PITPNM2: variants seen among roughly 807,000 people sequenced by gnomAD.
PITPNM2 encodes the protein phosphatidylinositol transfer protein membrane associated 2.
A neutral mutation model predicts 132.2 loss-of-function variants in PITPNM2; 35 were observed. That is an observed-to-expected ratio of 0.26 (90% CI 0.20 to 0.35). The LOEUF (loss-of-function observed/expected upper bound fraction) is 0.35. PITPNM2 is among the 10% of genes least tolerant of loss of function. PITPNM2 has a pLI of 1.00. For synonymous variants in PITPNM2, 738 were observed against 799.2 expected, an observed-to-expected ratio of 0.92 and a Z score of 1.29; for missense variants, 1,332 against 1,912.0, an observed-to-expected ratio of 0.70 and a Z score of 5.66.
chr12:123,035,948 T>C (rs1194448405), intron 2 of PITPNM2, among the ~76,000 whole-genome samples: 2 of 152,168 alleles, frequency 1.3e-5, no homozygotes, highest in African/African-American at 4.8e-5. Context: ...AGCCTTGATC[T>C]CCTGGGCTCA....
chr12:123,040,899 G>A (rs2040449055), intron 2 of PITPNM2, among the ~76,000 whole-genome samples: 1 of 152,180 alleles, frequency 6.6e-6, no homozygotes, highest in Non-Finnish European at 1.5e-5. Flanking sequence ...TATGAAGAGT[G>A]TGGAATAAAC....
intron 8 of PITPNM2, 94 bp from the exon 9 acceptor site, chr12:123,001,252 T>A: frequency 1.1e-6 from 1 of 921,552 alleles, no homozygotes; most frequent in Non-Finnish European, 1.8e-6. Flanking sequence ...GGCTCTGCTC[T>A]GACCGTTCCT....
chr12:123,017,631 T>C (rs2039479792), intron 3 of PITPNM2, among the ~76,000 whole-genome samples: 1 of 152,216 alleles, frequency 6.6e-6, no homozygotes, highest in Non-Finnish European at 1.5e-5. Flanking sequence ...CATCAACAGA[T>C]GAATGAATAA....
In PITPNM2 at chr12:122,993,182, G is replaced by A. The variant is rs963001777; in HGVS notation, c.2234-513C>T. 5.3e-5 allele frequency among the ~76,000 whole-genome samples: 8 copies of A among 152,264 alleles called. No individual in the cohort carries two copies. Among genetic ancestry groups the A allele is most frequent in the African/African-American group, 1.7e-4 (7 of 41,548 alleles). ...TGATTGTGGTAAAAGGTGGTTTGCA[G>A]TACAGAAGAGCATATGATGAAGGGC... On this transcript the variant is annotated intron_variant, in intron 15 of 25. Coordinates refer to ENST00000320201, the MANE Select transcript of PITPNM2 (RefSeq NM_020845.3). This position sits in a 1 kb window ranked among gnomAD's most constrained non-coding sequence, Gnocchi z 5.2.
chr12:123,078,334 G>C lies in PITPNM2; in HGVS notation c.-96+32051C>G, dbSNP rs963788330. Among the ~76,000 whole-genome samples, 33 of 152,184 alleles carry C rather than the reference G, an allele frequency of 2.2e-4. No homozygotes were observed. Among genetic ancestry groups the C allele is most frequent in the Admixed American group, 6.5e-5 (1 of 15,280 alleles). ...GCCAGGCGGGGAGGGGTACCGGCCA[G>C]ACCGGTGGGCAAAAGCAGCAGCTGG... On this transcript the variant is annotated intron_variant, in intron 2 of 25. Transcript: ENST00000320201. This position sits in a 1 kb window ranked among gnomAD's most constrained non-coding sequence, Gnocchi z 7.3.
In PITPNM2 at chr12:123,036,864, C is replaced by T. The variant is rs985054882; in HGVS notation, c.-95-2179G>A. Among the ~76,000 whole-genome samples, 8 of 152,226 alleles carry T rather than the reference C, an allele frequency of 5.3e-5. No homozygotes were observed. Among genetic ancestry groups the T allele is most frequent in the East Asian group, 1.9e-4 (1 of 5,200 alleles). On this transcript the variant is annotated intron_variant, in intron 2 of 25. Transcript: ENST00000320201. This position sits in a 1 kb window ranked among gnomAD's most constrained non-coding sequence, Gnocchi z 4.1. ...GCTAGGAGGGGCTTCCCCTCTCCTG[C>T]GACCTGTCCACCAGCCTTTCTGATC...
Position 123,036,830 on chromosome 12 carries a change from A to G in PITPNM2, c.-95-2145T>C, listed in dbSNP as rs974875898. On this transcript the variant is annotated intron_variant, in intron 2 of 25. Coordinates refer to ENST00000320201, the MANE Select transcript of PITPNM2 (RefSeq NM_020845.3). The surrounding 1 kb of genome is among the most constrained non-coding windows in gnomAD (Gnocchi z 4.1). ...GGCCCCAGGCCCTGCTATATCCATA[A>G]GGACTCTTGCTAGGAGGGGCTTCCC... Among the ~76,000 whole-genome samples, 1 of 152,106 alleles carries G rather than the reference A, an allele frequency of 6.6e-6. No individual in the cohort carries two copies. Among genetic ancestry groups the G allele is most frequent in the Admixed American group, 6.5e-5 (1 of 15,274 alleles).
chr12:122,990,193 G>A (rs912816967), intron 17 of PITPNM2, among the ~76,000 whole-genome samples: 1 of 152,268 alleles, frequency 6.6e-6, no homozygotes, highest in Non-Finnish European at 1.5e-5. Flanking sequence ...CCCTGGCGGG[G>A]ACTGAGAAGG....
rs2042769314 is a variant in PITPNM2, at chr12:123,108,552, G to A, written c.-96+1833C>T. Among the ~76,000 whole-genome samples the A allele has an allele frequency of 6.6e-6, 1 of 152,190 alleles. No homozygotes were observed. The highest frequency in any genetic ancestry group is 1.5e-5 in the Non-Finnish European group (1 of 68,038). On this transcript the variant is annotated intron_variant, in intron 2 of 25. Transcript: ENST00000320201. The surrounding 1 kb of genome is among the most constrained non-coding windows in gnomAD (Gnocchi z 4.4). Reference sequence around the variant, plus strand: ...CCGCAGAACCCGAGTGACCCCTGGAGAAGCTGCAAGTCAGGGCTGAGTGTT... The same window carrying A: ...CCGCAGAACCCGAGTGACCCCTGGAAAAGCTGCAAGTCAGGGCTGAGTGTT...
intron 1 of PITPNM2, among the ~76,000 whole-genome samples, chr12:123,144,081 G>T (rs1198722466): frequency 6.6e-6 from 1 of 152,190 alleles, no homozygotes; most frequent in Non-Finnish European, 1.5e-5. Context: ...TTTCAAATTT[G>T]TGCAAATTGG....
At chr12:123,001,932 G>A (rs1332439516) in intron 8 of PITPNM2, among the ~76,000 whole-genome samples, 1 of 152,022 alleles carries the variant, frequency 6.6e-6, no homozygotes, top group African/African-American at 2.4e-5. Flanking sequence ...TCGGGAGGCT[G>A]AGGCAGGCGA....
intron 2 of PITPNM2, among the ~76,000 whole-genome samples, chr12:123,054,762 G>A (rs1460362503): frequency 1.3e-5 from 2 of 152,164 alleles, no homozygotes; most frequent in Non-Finnish European, 2.9e-5. Context: ...TCCTCCTGAA[G>A]GGCAGAAAGA....
intron 2 of PITPNM2, among the ~76,000 whole-genome samples, chr12:123,056,734 G>A (rs1236043634): frequency 6.6e-6 from 1 of 152,206 alleles, no homozygotes; most frequent in East Asian, 1.9e-4. Context: ...CAGGGGCTGG[G>A]ATAGCCTCAG....
Position 122,986,880 on chromosome 12 carries a change from C to T in PITPNM2, c.3414-51G>A, listed in dbSNP as rs1392599118. On this transcript the variant is annotated intron_variant, in intron 23 of 25. Coordinates refer to ENST00000320201, the MANE Select transcript of PITPNM2 (RefSeq NM_020845.3). ...TCACCCCTTCCTCCCTCCTGGGCCT[C>T]CCTGTCTCCTGCCCAGCCAGGGCCC... 2.0e-6 allele frequency: 3 copies of T among 1,534,622 alleles called. No individual in the cohort carries two copies. The Admixed American group carries it at 5.9e-5, about 30-fold the overall frequency.
intron 2 of PITPNM2, among the ~76,000 whole-genome samples, chr12:123,063,546 G>A (rs1027963039): frequency 3.3e-5 from 5 of 152,110 alleles, no homozygotes; most frequent in Admixed American, 2.6e-4. Context: ...TCCCAGAAGC[G>A]TCTCCCTCTC....
At position 123,008,585 on chromosome 12, in the gene PITPNM2, G is replaced by A. The variant is rs1319394100; in HGVS notation, c.643+1265C>T. On this transcript the variant is annotated intron_variant, in intron 6 of 25. Coordinates refer to ENST00000320201, the MANE Select transcript of PITPNM2 (RefSeq NM_020845.3). This position sits in a 1 kb window ranked among gnomAD's most constrained non-coding sequence, Gnocchi z 4.1. Reference sequence around the variant, plus strand: ...GAGCCCTGGGTAATGGAGAGAGGCAGGTTTGGGCCAATCTAAGCTCCCATG... The same window carrying A: ...GAGCCCTGGGTAATGGAGAGAGGCAAGTTTGGGCCAATCTAAGCTCCCATG... Among the ~76,000 whole-genome samples the A allele has an allele frequency of 6.6e-6, 1 of 152,182 alleles. No individual in the cohort carries two copies. The highest frequency in any genetic ancestry group is 2.4e-5 in the African/African-American group (1 of 41,446).
At chr12:123,115,394 C>T (rs1035236644) in intron 1 of PITPNM2, among the ~76,000 whole-genome samples, 7 of 152,144 alleles carry the variant, frequency 4.6e-5, no homozygotes, top group South Asian at 4.2e-4. Flanking sequence ...CTGTTAGGAG[C>T]GATTTTTCTC....
In PITPNM2 at chr12:122,997,676, C is replaced by T. The variant is rs2038490647; in HGVS notation, c.1225-104G>A. The T allele has an allele frequency of 2.7e-6, 4 of 1,470,934 alleles. No homozygotes were observed. In the South Asian group the frequency reaches 3.8e-5, roughly 14 times the overall value. 91.1% of individuals were successfully genotyped at this position (1,470,934 alleles called of 1,614,324 possible). On this transcript the variant is annotated intron_variant, in intron 10 of 25. Coordinates refer to ENST00000320201, the MANE Select transcript of PITPNM2 (RefSeq NM_020845.3). ...GGTGTGCCTCTTGCACGCAGCCCAA[C>T]TGCTCCCTCTGAGAACCCCAGTTTT...
At chr12:123,019,606 A>C (rs1002097335) in intron 3 of PITPNM2, among the ~76,000 whole-genome samples, 1 of 152,334 alleles carries the variant, frequency 6.6e-6, no homozygotes, top group East Asian at 1.9e-4. Context: ...CCTCCAGGAA[A>C]GCCGCAAGCC....
Sources: gnomAD v4.1 joint callset for allele counts (sites outside exome capture counted in the v4.1 genomes callset) on GRCh38, gnomAD v4.1.1 for gene constraint, Gnocchi (gnomAD v3.1) non-coding constraint, MANE v1.5 for transcripts, NCBI Gene and HGNC (gene_info 2026-07-23, HGNC 2026-07-21) for gene names.